Variants in CSMD1 observed in about 807,000 individuals in gnomAD.
CSMD1 encodes CUB and sushi domain-containing protein 1.
Under a neutral mutation model 417.5 loss-of-function variants are expected in CSMD1, and 213 were observed. That is an observed-to-expected ratio of 0.51 (90% CI 0.46 to 0.57). The LOEUF is 0.57. Ranked by LOEUF, CSMD1 falls within the 20% of genes least tolerant of loss-of-function variation. The pLI is 0.00. For missense variants in CSMD1, 6,923 were observed against 4,529.7 expected, an observed-to-expected ratio of 1.53 and a Z score of -15.17; for synonymous variants, 2,862 against 1,736.8, an observed-to-expected ratio of 1.65 and a Z score of -16.11.
At chr8:4,463,392 G>A (rs767460697) in intron 2 of CSMD1, among the ~76,000 whole-genome samples, 4 of 152,136 alleles carry the variant, frequency 2.6e-5, no homozygotes, top group Admixed American at 6.5e-5. Flanking sequence ...ACATAACATT[G>A]CCATATGAAC....
chr8:3,179,384 G>C (rs1056963991), intron 37 of CSMD1, among the ~76,000 whole-genome samples: 12 of 152,120 alleles, frequency 7.9e-5, no homozygotes, highest in Non-Finnish European at 1.5e-5. Context: ...AAACAAAAAT[G>C]TGGCATTATG....
chr8:4,657,507 G>C (rs780980102), intron 1 of CSMD1, among the ~76,000 whole-genome samples: 1 of 151,978 alleles, frequency 6.6e-6, no homozygotes, highest in Non-Finnish European at 1.5e-5. Flanking sequence ...AAGGGACAAA[G>C]GCTTCAAAGA....
intron 12 of CSMD1, among the ~76,000 whole-genome samples, chr8:3,416,877 T>C (rs984308905): frequency 1.3e-5 from 2 of 152,246 alleles, no homozygotes; most frequent in African/African-American, 2.4e-5. Flanking sequence ...CAAAACCACT[T>C]ATGAAAGTTC....
At chr8:4,579,049 A>T (rs1799282730) in intron 2 of CSMD1, among the ~76,000 whole-genome samples, 1 of 151,872 alleles carries the variant, frequency 6.6e-6, no homozygotes, top group African/African-American at 2.4e-5. Flanking sequence ...AGACACTGCA[A>T]AAGATATCTT....
intron 5 of CSMD1, among the ~76,000 whole-genome samples, chr8:3,869,009 C>A (rs559480751): frequency 6.6e-6 from 1 of 152,208 alleles, no homozygotes; most frequent in African/African-American, 2.4e-5. Flanking sequence ...CCAGCTCTCT[C>A]GAAGTAACAG....
At chr8:3,042,997 C>T (rs1811210242) in intron 50 of CSMD1, among the ~76,000 whole-genome samples, 1 of 150,532 alleles carries the variant, frequency 6.6e-6, no homozygotes, top group Non-Finnish European at 1.5e-5. Flanking sequence ...GTCACTATAG[C>T]GATAGGTTTC....
At chr8:3,403,421 G>A (rs532071684) in intron 15 of CSMD1, among the ~76,000 whole-genome samples, 4 of 152,268 alleles carry the variant, frequency 2.6e-5, no homozygotes, top group Admixed American at 6.5e-5. Flanking sequence ...CTTCTCTGAG[G>A]CTCAGCTGCA....
At chr8:4,051,967 C>T (rs931950501) in intron 3 of CSMD1, among the ~76,000 whole-genome samples, 3 of 150,518 alleles carry the variant, frequency 2.0e-5, no homozygotes, top group African/African-American at 4.9e-5. Context: ...CTCTTGTTGC[C>T]CAGGCTGGAG....
chr8:3,036,587 C>A (rs1019736488), intron 50 of CSMD1, among the ~76,000 whole-genome samples: 4 of 152,100 alleles, frequency 2.6e-5, no homozygotes, highest in African/African-American at 9.7e-5. Flanking sequence ...GCACTAAAAA[C>A]CTGTGCTTAC....
chr8:4,384,675 G>A (rs1167126668), intron 3 of CSMD1, among the ~76,000 whole-genome samples: 3 of 152,060 alleles, frequency 2.0e-5, no homozygotes. Context: ...ACATTAAGTA[G>A]CAACAGACAC....
intron 3 of CSMD1, among the ~76,000 whole-genome samples, chr8:4,189,376 T>C (rs1181610977): frequency 6.6e-6 from 1 of 152,166 alleles, no homozygotes; most frequent in Non-Finnish European, 1.5e-5. Context: ...TAATAAGCCA[T>C]GAATATTCTA....
At chr8:3,284,635 T>A in intron 25 of CSMD1, 1 of 372,378 alleles carries the variant, frequency 2.7e-6, no homozygotes, top group Non-Finnish European at 5.0e-6. Context: ...TTTTGAGACT[T>A]CCAGATCTCT....
chr8:3,374,254 C>T (rs910679501), intron 18 of CSMD1, among the ~76,000 whole-genome samples: 4 of 152,034 alleles, frequency 2.6e-5, no homozygotes, highest in South Asian at 2.1e-4. Context: ...CCACCATGTC[C>T]GACCCATCCA....
chr8:3,119,496 T>C (rs1307353141), intron 41 of CSMD1, among the ~76,000 whole-genome samples: 2 of 152,004 alleles, frequency 1.3e-5, no homozygotes, highest in Non-Finnish European at 2.9e-5. Context: ...TCAGTCTTTA[T>C]GTTCCCTAGA....
chr8:4,919,181 T>C (rs567315776), intron 1 of CSMD1, among the ~76,000 whole-genome samples: 1 of 152,318 alleles, frequency 6.6e-6, no homozygotes, highest in East Asian at 1.9e-4. Flanking sequence ...TAAAATCCTG[T>C]AAAACTGAAA....
intron 41 of CSMD1, among the ~76,000 whole-genome samples, chr8:3,125,443 TTTTAA>T (rs1284311370): frequency 6.6e-6 from 1 of 152,150 alleles, no homozygotes; most frequent in Non-Finnish European, 1.5e-5. Flanking sequence ...ATATAAAAAG[TTTTAA>T]TTTAAGAAAG....
At chr8:3,382,151 C>T (rs371852337) in intron 18 of CSMD1, among the ~76,000 whole-genome samples, 14 of 151,692 alleles carry the variant, frequency 9.2e-5, no homozygotes, top group African/African-American at 2.9e-4. Context: ...CCCGGCTGCT[C>T]GGGAGGCTGA....
chr8:3,565,191 T>TAGATAGAC (rs1799650164), intron 10 of CSMD1, among the ~76,000 whole-genome samples: 1 of 45,994 alleles, frequency 2.2e-5, no homozygotes, highest in Non-Finnish European at 4.6e-5. Context: ...GAAAGATACA[T>TAGATAGAC]AGATAGACAG....
intron 2 of CSMD1, among the ~76,000 whole-genome samples, chr8:4,421,194 A>T (rs1408973557): frequency 6.6e-6 from 1 of 152,214 alleles, no homozygotes; most frequent in South Asian, 2.1e-4. Flanking sequence ...TGTGTTAGCG[A>T]ACGCAATACA....
Sources: allele counts gnomAD v4.1 joint callset (sites outside exome capture counted in the v4.1 genomes callset), GRCh38; gene constraint gnomAD v4.1.1; transcripts MANE v1.5; gene names NCBI Gene and HGNC (gene_info 2026-07-23, HGNC 2026-07-21).